The following PRKN variants were observed in gnomAD, a reference collection of about 807,000 sequenced individuals.
PRKN encodes the protein parkin RBR E3 ubiquitin protein ligase.
Under a neutral mutation model 59.5 loss-of-function variants are expected in PRKN, and 56 were observed. The ratio of observed to expected loss-of-function variants is 0.94; its 90% CI spans 0.76 to 1.18. PRKN has a LOEUF of 1.18. Ranked by LOEUF, PRKN falls within the 50% of genes most tolerant of loss-of-function variation. The probability of loss-of-function intolerance (pLI) is 0.00; values close to 1 mark genes in which losing one functional copy is unlikely to be tolerated. For missense variants in PRKN, 657 were observed against 596.4 expected (o/e 1.10, Z -1.06); for synonymous variants, 250 against 222.1 (o/e 1.13, Z -1.12).
At chr6:161,891,596 G>C (rs1795346052) in intron 6 of PRKN, among the ~76,000 whole-genome samples, 1 of 152,112 alleles carries the variant, frequency 6.6e-6, no homozygotes, top group African/African-American at 2.4e-5. Context: ...CCAGCCCTTT[G>C]TCTAACATCT....
At chr6:162,224,890 T>TA (rs1778098247) in intron 3 of PRKN, among the ~76,000 whole-genome samples, 1 of 152,146 alleles carries the variant, frequency 6.6e-6, no homozygotes, top group African/African-American at 2.4e-5. Context: ...TCAAATTTTA[T>TA]AAAAAACCAT....
At chr6:162,034,200 G>T (rs1372806687) in intron 5 of PRKN, among the ~76,000 whole-genome samples, 7 of 151,186 alleles carry the variant, frequency 4.6e-5, no homozygotes, top group Non-Finnish European at 5.9e-5. Context: ...GAGAGAGAGA[G>T]AGAGAGAGAG....
chr6:161,927,792 AC>A (rs1779023048), intron 6 of PRKN, among the ~76,000 whole-genome samples: 1 of 152,062 alleles, frequency 6.6e-6, no homozygotes, highest in Non-Finnish European at 1.5e-5. Flanking sequence ...AAAAAACTTT[AC>A]AAAAATAAAC....
At chr6:162,716,803 CACACAG>C (rs1778747442) in intron 1 of PRKN, among the ~76,000 whole-genome samples, 1 of 152,120 alleles carries the variant, frequency 6.6e-6, no homozygotes, top group African/African-American at 2.4e-5. Flanking sequence ...CACACACACA[CACACAG>C]ACTCCTCATG....
chr6:161,813,498 A>G (rs531939525), intron 6 of PRKN, among the ~76,000 whole-genome samples: 1 of 152,310 alleles, frequency 6.6e-6, no homozygotes, highest in South Asian at 2.1e-4. Flanking sequence ...CTGGCCTTCC[A>G]TAATCAGTAA....
At chr6:161,905,309 T>A (rs776665563) in intron 6 of PRKN, among the ~76,000 whole-genome samples, 5 of 152,202 alleles carry the variant, frequency 3.3e-5, no homozygotes, top group Non-Finnish European at 5.9e-5. Flanking sequence ...ATTCTTGTGT[T>A]CCTAAACCTG....
intron 1 of PRKN, among the ~76,000 whole-genome samples, chr6:162,616,753 T>C (rs1782438021): frequency 6.6e-6 from 1 of 152,226 alleles, no homozygotes; most frequent in Non-Finnish European, 1.5e-5. Flanking sequence ...CTGATACATC[T>C]TGACATATAC....
chr6:162,074,596 A>T (rs186116267), intron 4 of PRKN, among the ~76,000 whole-genome samples: 1,992 of 144,398 alleles, frequency 0.014, 29 homozygotes, highest in Admixed American at 0.018. Flanking sequence ...AACCTGCACA[A>T]TGTGCACATG....
chr6:162,700,356 A>G (rs1212685686), intron 1 of PRKN, among the ~76,000 whole-genome samples: 2 of 152,220 alleles, frequency 1.3e-5, no homozygotes, highest in East Asian at 3.9e-4. Flanking sequence ...ATGAGGAGCT[A>G]TGTTCCGAGC....
At chr6:162,278,901 G>A (rs1262110997) in intron 2 of PRKN, among the ~76,000 whole-genome samples, 2 of 152,106 alleles carry the variant, frequency 1.3e-5, no homozygotes, top group Admixed American at 6.6e-5. Context: ...GTGGCAAAGT[G>A]TTAACAGTTG....
chr6:161,368,849 T>C (rs1427698109), intron 10 of PRKN, among the ~76,000 whole-genome samples: 1 of 152,102 alleles, frequency 6.6e-6, no homozygotes, highest in Non-Finnish European at 1.5e-5. Context: ...TCTTTGTCAT[T>C]GTCTCCAACT....
rs1780438734 is a variant in PRKN, at chr6:161,561,097, T to C, written c.933+8258A>G. ...TGTATTGTGTTTCTCCAGTGACATG[T>C]TCTCTCTTCTTTCTTCCCCTCAACC... On this transcript the variant is annotated intron_variant, in intron 8 of 11. Transcript: ENST00000366898. The surrounding 1 kb of genome is among the most constrained non-coding windows in gnomAD (Gnocchi z 5.0). 1.3e-5 allele frequency among the ~76,000 whole-genome samples: 2 copies of C among 152,208 alleles called. No individual in the cohort carries two copies. The highest frequency in any genetic ancestry group is 2.9e-5 in the Non-Finnish European group (2 of 68,038).
chr6:162,595,444 C>T (rs867827516), intron 1 of PRKN, among the ~76,000 whole-genome samples: 5 of 151,676 alleles, frequency 3.3e-5, no homozygotes, highest in African/African-American at 7.3e-5. Context: ...TTAGTAGAGA[C>T]GGGTTTTCTC....
At chr6:162,452,754 C>T (rs1790685187) in intron 1 of PRKN, among the ~76,000 whole-genome samples, 1 of 151,990 alleles carries the variant, frequency 6.6e-6, no homozygotes, top group Non-Finnish European at 1.5e-5. Flanking sequence ...TCAATAATTA[C>T]ATTAAATTTT....
At chr6:162,045,740 T>C (rs934895395) in intron 5 of PRKN, among the ~76,000 whole-genome samples, 1 of 152,178 alleles carries the variant, frequency 6.6e-6, no homozygotes, top group Admixed American at 6.5e-5. Context: ...GAGCCATCAA[T>C]CACCTGCTGG....
rs1790997390 is a variant in PRKN at position 161,475,027 on chromosome 6, C to T, written c.1083+73827G>A. Among the ~76,000 whole-genome samples, 1 of 151,656 alleles carries T rather than the reference C, an allele frequency of 6.6e-6. No individual in the cohort carries two copies. Among genetic ancestry groups the T allele is most frequent in the Non-Finnish European group, 1.5e-5 (1 of 67,982 alleles). The stretch of plus-strand genomic sequence containing the variant: ...TCAAGTGATTCTCCTGCCTCAGCCT[C>T]CCAAGTAGCTGGGACTACAGGCATG... On this transcript the variant is annotated intron_variant, in intron 9 of 11. Coordinates refer to ENST00000366898, the MANE Select transcript of PRKN (RefSeq NM_004562.3). This position sits in a 1 kb window ranked among gnomAD's most constrained non-coding sequence, Gnocchi z 5.3.
chr6:161,887,150 A>G (rs1245634752), intron 6 of PRKN, among the ~76,000 whole-genome samples: 3 of 152,224 alleles, frequency 2.0e-5, no homozygotes, highest in African/African-American at 7.2e-5. Flanking sequence ...TGGTCTCAAC[A>G]TAGTTTCTTG....
In PRKN at chr6:161,378,307, G is replaced by A. The variant is rs764258420; in HGVS notation, c.1167+8487C>T. On this transcript the variant is annotated intron_variant, in intron 10 of 11. Coordinates refer to ENST00000366898, the MANE Select transcript of PRKN (RefSeq NM_004562.3). This position sits in a 1 kb window ranked among gnomAD's most constrained non-coding sequence, Gnocchi z 7.3. ...AGCAGTCCTGGGCCAGGGCACTCCC[G>A]TGTGGAGGAAGCGTGGTGGTGAGGT... is the stretch of plus-strand genomic sequence containing the variant. Among the ~76,000 whole-genome samples the A allele has an allele frequency of 7.9e-5, 12 of 152,270 alleles. No homozygotes were observed. The highest frequency in any genetic ancestry group is 6.2e-4 in the South Asian group (3 of 4,828).
At chr6:161,787,722 G>A (rs535532253) in intron 6 of PRKN, among the ~76,000 whole-genome samples, 14 of 152,292 alleles carry the variant, frequency 9.2e-5, no homozygotes, top group African/African-American at 2.4e-4. Context: ...TGAGGCAGGC[G>A]GATCACGAGG....
Sources: gnomAD v4.1 joint callset for allele counts (sites outside exome capture counted in the v4.1 genomes callset) on GRCh38, gnomAD v4.1.1 for gene constraint, Gnocchi (gnomAD v3.1) non-coding constraint, MANE v1.5 for transcripts, NCBI Gene and HGNC (gene_info 2026-07-23, HGNC 2026-07-21) for gene names.